The following ESD variants were observed in gnomAD, a reference collection of about 807,000 sequenced individuals.
ESD encodes the protein S-formylglutathione hydrolase.
A neutral mutation model predicts 38.1 loss-of-function variants in ESD; 34 were observed. That is an observed-to-expected ratio of 0.89 (90% confidence interval 0.68 to 1.19). The LOEUF is 1.19. Ranked by LOEUF, ESD falls within the 50% of genes most tolerant of loss-of-function variation. The pLI is 0.00. For missense variants in ESD, 334 were observed against 327.2 expected (o/e 1.02, Z -0.16); for synonymous variants, 97 against 107.0 (o/e 0.91, Z 0.58).
In ESD at chr13:46,791,423, A is replaced by G. The variant is rs1287112065; in HGVS notation, c.-7-3T>C. ...TCTGCTTCAATGCCATTCTTTTCCT[A>G]TTAGTAAAGAGTAATCTCATTAATT... is the stretch of plus-strand genomic sequence containing the variant. On this transcript the variant is annotated splice_region_variant and splice_polypyrimidine_tract_variant and intron_variant, in intron 2 of 9. Transcript: ENST00000378720. The G allele has an allele frequency of 1.9e-6, 3 of 1,608,158 alleles. No homozygotes were observed. The highest frequency in any genetic ancestry group is 2.2e-5 in the East Asian group (1 of 44,718).
chr13:46,783,131 T>G (rs547599460), intron 5 of ESD, among the ~76,000 whole-genome samples: 1 of 152,104 alleles, frequency 6.6e-6, no homozygotes, highest in East Asian at 1.9e-4. Context: ...CAAAAAGGAC[T>G]TATATCCTCT....
chr13:46,776,216 A>C (rs554411340), intron 9 of ESD: 154 of 153,616 alleles, frequency 1.0e-3, no homozygotes, highest in Non-Finnish European at 2.1e-3. Context: ...AAATTCTATT[A>C]CTCAAGGATG....
intron 9 of ESD, chr13:46,775,592 G>A (rs1270885413): frequency 2.1e-6 from 1 of 466,866 alleles, no homozygotes; most frequent in Non-Finnish European, 4.4e-6. Context: ...AGACTCTCTG[G>A]AGCCACTACT....
At chr13:46,777,167 T>C in intron 9 of ESD, 2 of 200,104 alleles carry the variant, frequency 1.0e-5, no homozygotes, top group Non-Finnish European at 1.0e-5. Flanking sequence ...GAAAGAAGTA[T>C]CTGCTAATGC....
Position 46,771,381 on chromosome 13 carries a change from A to G in ESD, c.*35T>C, listed in dbSNP as rs775992858. 4 of 1,326,660 alleles carry G rather than the reference A, an allele frequency of 3.0e-6. No individual in the cohort carries two copies. The Admixed American group carries it at 6.5e-5, about 21-fold the overall frequency. The allele number at this position is 1,326,660 out of a possible 1,614,324, so 82.2% of individuals were successfully genotyped here. On this transcript the variant is annotated 3_prime_UTR_variant, in exon 10 of 10. Transcript: ENST00000378720. ...AATACAGTTGCATTTTACAACTTTT[A>G]TAATCCTGAAGAGATTCTCTTATTT...
At chr13:46,779,637 A>G (rs893955704) in intron 8 of ESD, among the ~76,000 whole-genome samples, 1 of 148,864 alleles carries the variant, frequency 6.7e-6, no homozygotes, top group African/African-American at 2.4e-5. Context: ...CCATTAGTAG[A>G]AAAAAAATAT....
chr13:46,788,602 C>T (rs1875279836), intron 3 of ESD, among the ~76,000 whole-genome samples: 1 of 149,072 alleles, frequency 6.7e-6, no homozygotes, highest in African/African-American at 2.5e-5. Context: ...GAGGACCTTT[C>T]TCAAGCAGTT....
rs1875108272 is a variant in ESD, at chr13:46,784,181, T to C, written c.256+71A>G. 12 of 1,204,988 alleles carry C rather than the reference T, an allele frequency of 1.0e-5. No homozygotes were observed. In the South Asian group the frequency reaches 1.6e-4, roughly 16 times the overall value. The allele number at this position is 1,204,988 out of a possible 1,614,324, so 74.6% of individuals were successfully genotyped here. On this transcript the variant is annotated intron_variant, in intron 5 of 9. Transcript: ENST00000378720. ...TATAAAATGAATTGTATAATGTATA[T>C]ATCATACCACTTTATACCAGTCTTA...
chr13:46,772,780 G>T (rs1304035311), intron 9 of ESD, among the ~76,000 whole-genome samples: 1 of 152,100 alleles, frequency 6.6e-6, no homozygotes, highest in East Asian at 1.9e-4. Context: ...CACATCCCGG[G>T]TTCAAGCGAT....
intron 8 of ESD, among the ~76,000 whole-genome samples, chr13:46,778,889 T>C (rs1051912431): frequency 2.6e-5 from 4 of 151,816 alleles, no homozygotes; most frequent in African/African-American, 4.8e-5. Flanking sequence ...AAATAAAATG[T>C]GTTGGAATTT....
intron 2 of ESD, among the ~76,000 whole-genome samples, chr13:46,791,718 T>G (rs1875409166): frequency 6.6e-6 from 1 of 152,064 alleles, no homozygotes; most frequent in African/African-American, 2.4e-5. Flanking sequence ...AGGCAGAAAA[T>G]ACATAAGTTA....
At chr13:46,791,526 TC>T in intron 2 of ESD, 106 bp from the exon 3 acceptor site, 1 of 787,356 alleles carries the variant, frequency 1.3e-6, no homozygotes, top group South Asian at 1.9e-5. Context: ...ACAACTATTT[TC>T]TACTTAGAAT....
At chr13:46,788,731 C>T (rs1875286891) in intron 3 of ESD, among the ~76,000 whole-genome samples, 2 of 151,258 alleles carry the variant, frequency 1.3e-5, no homozygotes, top group Admixed American at 1.3e-4. Context: ...AACCTCTGTC[C>T]CTATCATGTC....
intron 4 of ESD, among the ~76,000 whole-genome samples, chr13:46,786,105 C>T (rs1175315387): frequency 6.6e-6 from 1 of 151,980 alleles, no homozygotes; most frequent in Non-Finnish European, 1.5e-5. Flanking sequence ...AATTAAATAA[C>T]TAATTTTGTT....
intron 1 of ESD, among the ~76,000 whole-genome samples, chr13:46,795,550 C>A (rs1022538909): frequency 1.3e-5 from 2 of 152,170 alleles, no homozygotes; most frequent in African/African-American, 4.8e-5. Flanking sequence ...GACTACTAAT[C>A]CCTTTCGCTG....
At chr13:46,796,848 G>A (rs1255562942) in intron 1 of ESD, among the ~76,000 whole-genome samples, 1 of 152,272 alleles carries the variant, frequency 6.6e-6, no homozygotes, top group Non-Finnish European at 1.5e-5. Context: ...TAGGTAAACG[G>A]GCGCTCGCCC....
intron 8 of ESD, among the ~76,000 whole-genome samples, chr13:46,778,001 T>G (rs1181308314): frequency 4.0e-5 from 6 of 151,880 alleles, no homozygotes; most frequent in Non-Finnish European, 8.8e-5. Flanking sequence ...ACTAGAAGCT[T>G]CTTCTAACTC....
intron 2 of ESD, among the ~76,000 whole-genome samples, chr13:46,791,666 G>GT (rs1247708494): frequency 2.6e-5 from 4 of 151,900 alleles, no homozygotes; most frequent in African/African-American, 7.3e-5. Flanking sequence ...TTATTAACAA[G>GT]TTTTTTCGTT....
chr13:46,788,527 C>T (rs1171384568), intron 3 of ESD, among the ~76,000 whole-genome samples: 1 of 151,990 alleles, frequency 6.6e-6, no homozygotes, highest in Admixed American at 6.6e-5. Flanking sequence ...CTTTCTTGCA[C>T]ACTTAAACAT....
Sources: gnomAD v4.1 joint callset for allele counts (sites outside exome capture counted in the v4.1 genomes callset) on GRCh38, gnomAD v4.1.1 for gene constraint, MANE v1.5 for transcripts, NCBI Gene and HGNC (gene_info 2026-07-23, HGNC 2026-07-21) for gene names.